FHIT: variants seen among roughly 807,000 people sequenced by gnomAD.
FHIT encodes fragile histidine triad diadenosine triphosphatase.
Under a neutral mutation model 17.9 loss-of-function variants are expected in FHIT, and 19 were observed. The observed-to-expected ratio is 1.06, with a 90% confidence interval of 0.74 to 1.56. The LOEUF (loss-of-function observed/expected upper bound fraction) is 1.56, where lower values mean the gene tolerates loss of function less well. Ranked by LOEUF, FHIT falls within the 40% of genes most tolerant of loss-of-function variation. The probability of loss-of-function intolerance (pLI) is 0.00; values close to 1 mark genes in which losing one functional copy is unlikely to be tolerated. For missense variants in FHIT, 248 were observed against 189.2 expected, an observed-to-expected ratio of 1.31 and a Z score of -1.82; for synonymous variants, 81 against 69.7, an observed-to-expected ratio of 1.16 and a Z score of -0.81.
Position 60,620,805 on chromosome 3 carries a change from G to A in FHIT, c.-17-83826C>T, listed in dbSNP as rs550951665. Among the ~76,000 whole-genome samples the A allele has an allele frequency of 5.3e-5, 8 of 152,134 alleles. No individual in the cohort carries two copies. In the South Asian group the frequency reaches 1.7e-3, roughly 32 times the overall value. On this transcript the variant is annotated intron_variant, in intron 4 of 9. Transcript: ENST00000492590. ...AACCATAACATAACCTACAGACTTG[G>A]TTAATAATAGTGTATCAAAATTGGC...
chr3:61,136,732 G>A (rs750742973), intron 2 of FHIT, among the ~76,000 whole-genome samples: 26 of 152,218 alleles, frequency 1.7e-4, no homozygotes, highest in Non-Finnish European at 2.8e-4. Flanking sequence ...TTGCTTCACC[G>A]GAGCCTAACA....
At chr3:60,904,197 T>A (rs1159252772) in intron 3 of FHIT, among the ~76,000 whole-genome samples, 1 of 152,210 alleles carries the variant, frequency 6.6e-6, no homozygotes, top group Admixed American at 6.5e-5. Flanking sequence ...TGCTGAGCCC[T>A]GCACTAATGA....
At chr3:60,617,040 T>C (rs946349340) in intron 4 of FHIT, 14 of 205,454 alleles carry the variant, frequency 6.8e-5, no homozygotes, top group African/African-American at 3.0e-4. Context: ...ACTATGGAAG[T>C]GGATACTGAC....
At chr3:60,523,031 A>C (rs1236279098) in intron 5 of FHIT, among the ~76,000 whole-genome samples, 1 of 152,200 alleles carries the variant, frequency 6.6e-6, no homozygotes, top group Non-Finnish European at 1.5e-5. Flanking sequence ...AATGAGAGCC[A>C]AGTGAAAGGG....
intron 2 of FHIT, among the ~76,000 whole-genome samples, chr3:61,059,372 CT>C (rs201797361): frequency 0.052 from 5,917 of 113,036 alleles, 43 homozygotes; most frequent in African/African-American, 0.094. Flanking sequence ...TTGCTTTTTC[CT>C]TTTTTTTTTT....
At chr3:60,355,210 G>A (rs545197244) in intron 5 of FHIT, among the ~76,000 whole-genome samples, 2 of 152,196 alleles carry the variant, frequency 1.3e-5, no homozygotes, top group South Asian at 2.1e-4. Context: ...AAAATAGTTA[G>A]GCTAATTACC....
chr3:60,260,964 A>G (rs534205001), intron 5 of FHIT, among the ~76,000 whole-genome samples: 215 of 152,122 alleles, frequency 1.4e-3, no homozygotes, highest in African/African-American at 5.0e-3. Context: ...TATATGGTCT[A>G]AAAAGAGGAG....
At chr3:60,335,137 T>C (rs1392121610) in intron 5 of FHIT, among the ~76,000 whole-genome samples, 3 of 152,130 alleles carry the variant, frequency 2.0e-5, no homozygotes, top group Non-Finnish European at 2.9e-5. Context: ...CACAAGATAA[T>C]CTCTGATTTG....
In FHIT at chr3:60,350,769, C is replaced by T. The variant is rs368226492; in HGVS notation, c.103+186091G>A. Among the ~76,000 whole-genome samples, 18 of 152,150 alleles carry T rather than the reference C, an allele frequency of 1.2e-4. 1 individual carries two copies. Among genetic ancestry groups the T allele is most frequent in the African/African-American group, 4.3e-4 (18 of 41,440 alleles). ...TGATCCAGCCCCCTGTATTCATGCT[C>T]TTGTGTGTAATCTCCTCTCTTGAGT... On this transcript the variant is annotated intron_variant, in intron 5 of 9. Coordinates refer to ENST00000492590, the MANE Select transcript of FHIT (RefSeq NM_002012.4).
chr3:59,943,055 T>G (rs1706609814), intron 7 of FHIT, among the ~76,000 whole-genome samples: 1 of 152,092 alleles, frequency 6.6e-6, no homozygotes, highest in Non-Finnish European at 1.5e-5. Flanking sequence ...ATGAATCTGC[T>G]CTCCTGTTAT....
At chr3:60,403,738 T>C (rs1368993374) in intron 5 of FHIT, among the ~76,000 whole-genome samples, 8 of 152,176 alleles carry the variant, frequency 5.3e-5, no homozygotes, top group Non-Finnish European at 1.2e-4. Flanking sequence ...ATCACATTTT[T>C]TGTCCAATCA....
intron 5 of FHIT, among the ~76,000 whole-genome samples, chr3:60,359,277 CTT>C (rs71089599): frequency 0.019 from 2,085 of 109,708 alleles, 19 homozygotes; most frequent in African/African-American, 0.068. Flanking sequence ...ATGAAAATAT[CTT>C]TTTTTTTTTT....
chr3:60,326,407 A>T (rs1362983924), intron 5 of FHIT, among the ~76,000 whole-genome samples: 1 of 151,988 alleles, frequency 6.6e-6, no homozygotes, highest in African/African-American at 2.4e-5. Flanking sequence ...CCCATGTGCA[A>T]TTCACAATAG....
At chr3:60,207,623 C>CA (rs1427512202) in intron 5 of FHIT, among the ~76,000 whole-genome samples, 1 of 152,116 alleles carries the variant, frequency 6.6e-6, no homozygotes, top group African/African-American at 2.4e-5. Context: ...GTGATGAGAA[C>CA]AACGTATGTG....
chr3:61,102,629 G>C (rs1436086750), intron 2 of FHIT, among the ~76,000 whole-genome samples: 3 of 152,180 alleles, frequency 2.0e-5, no homozygotes, highest in African/African-American at 4.8e-5. Context: ...AGAAGGAATG[G>C]TACCAGCTCC....
At chr3:60,032,928 C>G (rs1228457998) in intron 5 of FHIT, among the ~76,000 whole-genome samples, 3 of 151,986 alleles carry the variant, frequency 2.0e-5, no homozygotes, top group African/African-American at 7.3e-5. Flanking sequence ...TTACTTTACA[C>G]CAAACACAAG....
At chr3:60,169,839 T>C (rs1701340708) in intron 5 of FHIT, among the ~76,000 whole-genome samples, 1 of 152,160 alleles carries the variant, frequency 6.6e-6, no homozygotes, top group African/African-American at 2.4e-5. Flanking sequence ...GATGAAACAG[T>C]TCCCGGGAGG....
chr3:60,419,608 G>A (rs1452097682), intron 5 of FHIT, among the ~76,000 whole-genome samples: 4 of 152,142 alleles, frequency 2.6e-5, no homozygotes, highest in Non-Finnish European at 4.4e-5. Context: ...GCTCTTGGCT[G>A]ACATTTCCAT....
At chr3:60,195,396 C>T (rs894930084) in intron 5 of FHIT, among the ~76,000 whole-genome samples, 10 of 151,640 alleles carry the variant, frequency 6.6e-5, no homozygotes, top group Middle Eastern at 3.4e-3. Context: ...ATCTTGCGAT[C>T]CCAATACTGG....
Sources: gnomAD v4.1 joint callset for allele counts (sites outside exome capture counted in the v4.1 genomes callset) on GRCh38, gnomAD v4.1.1 for gene constraint, MANE v1.5 for transcripts, NCBI Gene and HGNC (gene_info 2026-07-23, HGNC 2026-07-21) for gene names.